The following FRMD7 variants were observed in gnomAD, a reference collection of about 807,000 sequenced individuals.
FRMD7 encodes the protein FERM domain-containing protein 7.
A neutral mutation model predicts 44.1 loss-of-function variants in FRMD7; 14 were observed. That is an observed-to-expected ratio of 0.32 (90% CI 0.21 to 0.50). The LOEUF (loss-of-function observed/expected upper bound fraction) is 0.50. Among genes scored for constraint, FRMD7 ranks in the 20% least tolerant of loss-of-function variants. The pLI is 0.99. For missense variants in FRMD7, 501 were observed against 522.3 expected (o/e 0.96, Z 0.40); for synonymous variants, 212 against 187.4 (o/e 1.13, Z -1.07).
At chrX:132,118,018 TTTAA>T (rs750528348) in intron 1 of FRMD7, among the ~76,000 whole-genome samples, 1 of 112,088 alleles carries the variant, frequency 8.9e-6, no homozygotes, top group East Asian at 2.8e-4. Flanking sequence ...TGTGTAAAAC[TTTAA>T]TTAAATACGG....
intron 1 of FRMD7, among the ~76,000 whole-genome samples, chrX:132,119,955 T>A (rs1410820933): frequency 1.8e-5 from 2 of 111,353 alleles, no homozygotes; most frequent in East Asian, 5.7e-4. Context: ...GGCACAAAGC[T>A]GCTAAGAGGC....
intron 1 of FRMD7, among the ~76,000 whole-genome samples, chrX:132,113,834 T>C (rs950879038): frequency 9.0e-6 from 1 of 111,380 alleles, no homozygotes; most frequent in Non-Finnish European, 1.9e-5. Context: ...TAAGTTATTA[T>C]TGACTATAGT....
chrX:132,095,326 C>T lies in FRMD7; in HGVS notation c.285-1187G>A, dbSNP rs962011318. ...GCCAGGCTGGTCTTCAACTCCTGAC[C>T]TCAGTTGATTGCCCCACCTTGGCCT... On this transcript the variant is annotated intron_variant, in intron 4 of 11. Transcript: ENST00000298542. Among the ~76,000 whole-genome samples the T allele has an allele frequency of 5.4e-5, 6 of 110,357 alleles. No individual in the cohort carries two copies. In the South Asian group the frequency reaches 1.5e-3, roughly 28 times the overall value.
chrX:132,086,072 T>A, intron 5 of FRMD7, 38 bp from the exon 6 acceptor site: 1 of 882,274 alleles, frequency 1.1e-6, no homozygotes, highest in Non-Finnish European at 1.7e-6. Flanking sequence ...ACATTACCTT[T>A]GAGGAACTTA....
chrX:132,084,861 GC>G (rs1927932856), intron 7 of FRMD7, among the ~76,000 whole-genome samples: 1 of 111,284 alleles, frequency 9.0e-6, no homozygotes, highest in African/African-American at 3.3e-5. Flanking sequence ...TACTACAATA[GC>G]TTTTCTAATC....
rs773973114 is a variant in FRMD7, at chrX:132,082,398, G to C, written c.870C>G (p.Thr290=). ...LSEEPKSKPK[T]LLCSKGSSFR... Reference sequence around the variant, plus strand: ...AACTGGAACCCTTGCTGCAGAGTAGGGTTTTGGGCTTTGATTTGGGCTCTT... The same window carrying C: ...AACTGGAACCCTTGCTGCAGAGTAGCGTTTTGGGCTTTGATTTGGGCTCTT... The change falls in exon 9 of 12, where the codon ACC becomes ACG. Residue 290 remains threonine, a synonymous_variant. Coordinates refer to ENST00000298542, the MANE Select transcript of FRMD7 (RefSeq NM_194277.3). The C allele has an allele frequency of 3.1e-5, 38 of 1,210,658 alleles. No homozygotes were observed. The highest frequency in any genetic ancestry group is 2.3e-4 in the Middle Eastern group (1 of 4,317).
At chrX:132,096,822 T>C (rs756777833) in intron 4 of FRMD7, among the ~76,000 whole-genome samples, 82 of 111,718 alleles carry the variant, frequency 7.3e-4, no homozygotes, top group African/African-American at 2.6e-3. Context: ...TTTGTAATTC[T>C]GAAGGACATT....
chrX:132,107,632 A>AGAGAGAGAGAGAGG (rs1257188793), intron 1 of FRMD7, among the ~76,000 whole-genome samples: 3 of 109,152 alleles, frequency 2.7e-5, no homozygotes, highest in African/African-American at 1.0e-4. Flanking sequence ...AGAGAGAGAG[A>AGAGAGAGAGAGAGG]GGGAGGGAGA....
chrX:132,091,649 C>T lies in FRMD7; in HGVS notation c.382+2393G>A, dbSNP rs184275631. Among the ~76,000 whole-genome samples, 575 of 103,868 alleles carry T rather than the reference C, an allele frequency of 5.5e-3. 5 individuals carry two copies. Among genetic ancestry groups the T allele is most frequent in the African/African-American group, 0.02 (545 of 27,914 alleles). 90.2% of individuals were successfully genotyped at this position (103,868 alleles called of 115,157 possible). A position where few individuals can be genotyped will look rare whatever the true frequency, so the allele number is the denominator to read the frequency against. ...GACCAGCCTGGCCAACATGGTGAAA[C>T]CCTGTCTCTAACTAAAAATACAAAA... On this transcript the variant is annotated intron_variant, in intron 5 of 11. Coordinates refer to ENST00000298542, the MANE Select transcript of FRMD7 (RefSeq NM_194277.3).
At chrX:132,099,191 A>G (rs1396030756) in intron 3 of FRMD7, among the ~76,000 whole-genome samples, 2 of 112,178 alleles carry the variant, frequency 1.8e-5, no homozygotes, top group Non-Finnish European at 3.8e-5. Context: ...TTGCAGTGCC[A>G]GAAAATGAGA....
At position 132,078,670 on chromosome X, in the gene FRMD7, G is replaced by A; in HGVS notation, c.1347C>T (p.Ser449=). ...ERSSLSSFQT[S]CKFSGNHMSI... Reference sequence around the variant, plus strand: ...TCATGTGATTACCAGAAAACTTACAGCTTGTTTGGAAGGAGCTTAGAGAAC... The same window carrying A: ...TCATGTGATTACCAGAAAACTTACAACTTGTTTGGAAGGAGCTTAGAGAAC... The change falls in exon 12 of 12, where the codon AGC becomes AGT. Residue 449 remains serine (S), a synonymous_variant. Coordinates refer to ENST00000298542, the MANE Select transcript of FRMD7 (RefSeq NM_194277.3). 1 of 1,211,766 alleles carries A rather than the reference G, an allele frequency of 8.3e-7. No homozygotes were observed. Among genetic ancestry groups the A allele is most frequent in the Admixed American group, 2.2e-5 (1 of 46,044 alleles).
At chrX:132,115,434 T>A (rs1928875681) in intron 1 of FRMD7, among the ~76,000 whole-genome samples, 1 of 112,733 alleles carries the variant, frequency 8.9e-6, no homozygotes, top group South Asian at 3.6e-4. Context: ...CATGCATTTC[T>A]TTTAAGTACT....
chrX:132,100,282 C>T (rs1928461195), intron 2 of FRMD7, among the ~76,000 whole-genome samples: 2 of 111,441 alleles, frequency 1.8e-5, no homozygotes, highest in African/African-American at 3.3e-5. Flanking sequence ...CAGGCACACA[C>T]CACCACACCC....
intron 11 of FRMD7, among the ~76,000 whole-genome samples, chrX:132,079,614 AAT>A (rs1927741894): frequency 8.9e-6 from 1 of 112,363 alleles, no homozygotes; most frequent in Non-Finnish European, 1.9e-5. Flanking sequence ...TAAGTTACAA[AAT>A]TACACAGGAA....
chrX:132,127,719 T>C, intron 1 of FRMD7, 69 bp downstream of exon 1: 2 of 839,945 alleles, frequency 2.4e-6, no homozygotes, highest in South Asian at 2.0e-5. Flanking sequence ...TGCTCTCTAA[T>C]GGGCTGTTCA....
intron 1 of FRMD7, among the ~76,000 whole-genome samples, chrX:132,105,506 A>T (rs746895977): frequency 6.0e-4 from 67 of 111,697 alleles, no homozygotes; most frequent in East Asian, 2.8e-3. Flanking sequence ...TAGAAAAAAA[A>T]TTTTTTTAAA....
chrX:132,082,591 A>G, intron 8 of FRMD7, 65 bp from the exon 9 acceptor site: 2 of 999,710 alleles, frequency 2.0e-6, no homozygotes, highest in South Asian at 1.9e-5. Flanking sequence ...TCAAATCCCA[A>G]TGCCTTCCAA....
intron 1 of FRMD7, among the ~76,000 whole-genome samples, chrX:132,127,255 C>T (rs1414282306): frequency 1.8e-5 from 2 of 112,230 alleles, no homozygotes; most frequent in Non-Finnish European, 3.8e-5. Flanking sequence ...GAACTCTGAA[C>T]TATAAGTACT....
chrX:132,097,115 A>G (rs1928360711), intron 4 of FRMD7, 151 bp downstream of exon 4: 1 of 533,240 alleles, frequency 1.9e-6, no homozygotes. Context: ...GGAACCAGCT[A>G]GGCCCATCCT....
Sources: allele counts gnomAD v4.1 joint callset (sites outside exome capture counted in the v4.1 genomes callset), GRCh38; gene constraint gnomAD v4.1.1; transcripts MANE v1.5; gene names NCBI Gene and HGNC (gene_info 2026-07-23, HGNC 2026-07-21).